RAB7A: variants seen among roughly 807,000 people sequenced by gnomAD.
RAB7A encodes ras-related protein Rab-7a.
Under a neutral mutation model 24.5 loss-of-function variants are expected in RAB7A, and 2 were observed. The ratio of observed to expected loss-of-function variants is 0.08; its 90% CI spans 0.03 to 0.26. The LOEUF (loss-of-function observed/expected upper bound fraction) is 0.26. Among genes scored for constraint, RAB7A ranks in the 10% least tolerant of loss-of-function variants. RAB7A has a pLI of 1.00. For synonymous variants in RAB7A, 100 were observed against 95.9 expected (o/e 1.04, Z -0.25); for missense variants, 118 against 255.7 (o/e 0.46, Z 3.67).
chr3:128,767,981 A>G (rs1037319661), intron 1 of RAB7A, among the ~76,000 whole-genome samples: 1 of 152,182 alleles, frequency 6.6e-6, no homozygotes, highest in Non-Finnish European at 1.5e-5. Flanking sequence ...CCATTCAAAG[A>G]TGGTATGTAT....
chr3:128,798,970 A>G (rs1025765581), intron 3 of RAB7A: 2 of 184,728 alleles, frequency 1.1e-5, no homozygotes, highest in Non-Finnish European at 2.3e-5. Flanking sequence ...TTATCCTGTC[A>G]TTTTTCTAGA....
At chr3:128,753,871 T>G (rs1234493634) in intron 1 of RAB7A, among the ~76,000 whole-genome samples, 1 of 152,104 alleles carries the variant, frequency 6.6e-6, no homozygotes, top group African/African-American at 2.4e-5. Context: ...ATTCCTAGGC[T>G]CAAGTGATCC....
intron 1 of RAB7A, among the ~76,000 whole-genome samples, chr3:128,750,270 T>C (rs1029293842): frequency 6.6e-6 from 1 of 152,188 alleles, no homozygotes; most frequent in African/African-American, 2.4e-5. Context: ...AATTTCTTTT[T>C]CTTTTTTTGA....
At chr3:128,780,957 C>T (rs137968797) in intron 1 of RAB7A, among the ~76,000 whole-genome samples, 41 of 152,282 alleles carry the variant, frequency 2.7e-4, no homozygotes, top group African/African-American at 9.4e-4. Context: ...ATTAGGACTT[C>T]ACAAAGGTCT....
intron 1 of RAB7A, among the ~76,000 whole-genome samples, chr3:128,766,920 T>G (rs1242509158): frequency 6.6e-6 from 1 of 152,050 alleles, no homozygotes; most frequent in African/African-American, 2.4e-5. Context: ...CCACCAGCGG[T>G]GTAGAAGAGT....
intron 5 of RAB7A, among the ~76,000 whole-genome samples, chr3:128,812,354 G>A (rs6789222): frequency 0.32 from 47,973 of 152,104 alleles, 10,008 homozygotes; most frequent in African/African-American, 0.59. Context: ...ACTTCAGGTG[G>A]TCGACCTGCT....
At chr3:128,764,271 C>G (rs540194028) in intron 1 of RAB7A, among the ~76,000 whole-genome samples, 3 of 151,968 alleles carry the variant, frequency 2.0e-5, no homozygotes, top group Non-Finnish European at 4.4e-5. Flanking sequence ...CCTGTAATAG[C>G]TTTGCTACCG....
At chr3:128,796,318 G>A (rs1375716449) in intron 2 of RAB7A, among the ~76,000 whole-genome samples, 1 of 152,004 alleles carries the variant, frequency 6.6e-6, no homozygotes, top group Non-Finnish European at 1.5e-5. Context: ...ATTTAGCCAG[G>A]TGCCGTACCT....
intron 1 of RAB7A, among the ~76,000 whole-genome samples, chr3:128,772,711 AG>A (rs1932980231): frequency 6.6e-6 from 1 of 152,224 alleles, no homozygotes; most frequent in African/African-American, 2.4e-5. Context: ...GACTCAATTA[AG>A]GGTTTAAAAG....
chr3:128,758,332 G>C (rs188464462), intron 1 of RAB7A, among the ~76,000 whole-genome samples: 62 of 150,664 alleles, frequency 4.1e-4, no homozygotes, highest in African/African-American at 1.5e-3. Context: ...GAGTGCAGTG[G>C]CGCTATCTCG....
intron 3 of RAB7A, among the ~76,000 whole-genome samples, chr3:128,803,908 A>G (rs975662570): frequency 2.0e-5 from 3 of 152,234 alleles, no homozygotes; most frequent in African/African-American, 7.2e-5. Context: ...GTAGACAGTT[A>G]TAAGGGTATA....
chr3:128,753,207 T>C (rs2070702889), intron 1 of RAB7A, among the ~76,000 whole-genome samples: 1 of 152,198 alleles, frequency 6.6e-6, no homozygotes, highest in Admixed American at 6.5e-5. Context: ...TATTGTCATA[T>C]GCAGCAACAT....
chr3:128,779,838 A>G (rs1429828646), intron 1 of RAB7A, among the ~76,000 whole-genome samples: 2 of 152,202 alleles, frequency 1.3e-5, no homozygotes, highest in East Asian at 1.9e-4. Flanking sequence ...TGTTGGGATT[A>G]CAGGTGTGCC....
chr3:128,798,843 A>T (rs1425940432), intron 3 of RAB7A: 1 of 254,310 alleles, frequency 3.9e-6, no homozygotes, highest in Admixed American at 5.5e-5. Flanking sequence ...AAAAAAAAAA[A>T]AAGAATCCCA....
rs1436813016 is a variant in RAB7A at position 128,813,585 on chromosome 3, T to TCACACACACACACACACG, written c.*180_*197dup. The TCACACACACACACACACG allele has an allele frequency of 1.6e-6, 1 of 630,172 alleles. No homozygotes were observed. The highest frequency in any genetic ancestry group is 3.0e-5 in the East Asian group (1 of 32,882). The allele number at this position is 630,172 out of a possible 1,614,324, so 39.0% of individuals were successfully genotyped here. On this transcript the variant is annotated 3_prime_UTR_variant, in exon 6 of 6. Coordinates refer to ENST00000265062, the MANE Select transcript of RAB7A (RefSeq NM_004637.6). ...AACACAGTTACACCCCACATATCTC[T>TCACACACACACACACACG]CACACACACACACACACGCACACAC...
At chr3:128,745,841 C>CA (rs1457962507) in intron 1 of RAB7A, among the ~76,000 whole-genome samples, 1 of 152,216 alleles carries the variant, frequency 6.6e-6, no homozygotes, top group Admixed American at 6.5e-5. Context: ...ACTTGAATCC[C>CA]ATGCAGAGAC....
Position 128,807,613 on chromosome 3 carries a change from A to G in RAB7A, c.470A>G (p.Lys157Arg). Residue 157 changes from lysine (K) to arginine (R), a missense_variant, in exon 5 of 6, where the codon AAG becomes AGG. Physicochemically the swap from Lys to Arg is conservative, Grantham distance 26 (BLOSUM62 2). Coordinates refer to ENST00000265062, the MANE Select transcript of RAB7A (RefSeq NM_004637.6). Reference protein sequence around the residue: ...NNIPYFETSAKEAINVEQAFQ... With the variant: ...NNIPYFETSAREAINVEQAFQ... The stretch of plus-strand genomic sequence containing the variant: ...ATTCCCTACTTTGAGACCAGTGCCA[A>G]GGAGGCCATCAACGTGGAGCAGGCG... The G allele has an allele frequency of 6.2e-7, 1 of 1,614,222 alleles. No homozygotes were observed. The highest frequency in any genetic ancestry group is 8.5e-7 in the Non-Finnish European group (1 of 1,180,020).
intron 1 of RAB7A, among the ~76,000 whole-genome samples, chr3:128,759,381 G>A (rs2070758338): frequency 2.0e-5 from 3 of 152,132 alleles, no homozygotes; most frequent in African/African-American, 4.8e-5. Flanking sequence ...TTGCCATCTC[G>A]GATCAGTTTC....
chr3:128,738,602 T>C (rs1181559216), intron 1 of RAB7A, among the ~76,000 whole-genome samples: 6 of 152,212 alleles, frequency 3.9e-5, no homozygotes, highest in African/African-American at 7.2e-5. Flanking sequence ...CTTACGTCTA[T>C]AGTGTTCTTT....
Sources: allele counts gnomAD v4.1 joint callset (sites outside exome capture counted in the v4.1 genomes callset), GRCh38; gene constraint gnomAD v4.1.1; transcripts MANE v1.5; gene names NCBI Gene and HGNC (gene_info 2026-07-23, HGNC 2026-07-21).